The following STK25 variants were observed in gnomAD, a reference collection of about 807,000 sequenced individuals.
STK25 encodes serine/threonine-protein kinase 25.
STK25 carries 29 observed loss-of-function variants against 53.8 expected under a neutral mutation model. The observed-to-expected ratio is 0.54, with a 90% confidence interval of 0.40 to 0.74. The LOEUF (loss-of-function observed/expected upper bound fraction) is 0.74. Ranked by LOEUF, STK25 falls within the 30% of genes least tolerant of loss-of-function variation. The pLI is 0.00. For missense variants in STK25, 420 were observed against 568.0 expected, an observed-to-expected ratio of 0.74 and a Z score of 2.65; for synonymous variants, 247 against 238.3, an observed-to-expected ratio of 1.04 and a Z score of -0.33.
In STK25 at chr2:241,492,944, T is replaced by G. The variant is rs745993703; in HGVS notation, c.*2718A>C. The stretch of plus-strand genomic sequence containing the variant: ...TTATTGACAGAACCAGCTTTCAGGA[T>G]ATCTGCTAAGAAAGTTCAAAAACAG... On this transcript the variant is annotated 3_prime_UTR_variant, in exon 12 of 12. Coordinates refer to ENST00000316586, the MANE Select transcript of STK25 (RefSeq NM_001271977.2). 7 of 1,608,086 alleles carry G rather than the reference T, an allele frequency of 4.4e-6. No individual in the cohort carries two copies. The highest frequency in any genetic ancestry group is 6.0e-6 in the Non-Finnish European group (7 of 1,174,632).
chr2:241,497,901 TCC>T (rs34774824), intron 9 of STK25, among the ~76,000 whole-genome samples: 1 of 148,126 alleles, frequency 6.8e-6, no homozygotes, highest in Non-Finnish European at 1.5e-5. Context: ...GGCCTGTGAC[TCC>T]CACCCTCTCC....
intron 5 of STK25, 36 bp from the exon 6 acceptor site, chr2:241,499,450 C>A: frequency 6.3e-7 from 1 of 1,598,782 alleles, no homozygotes; most frequent in Non-Finnish European, 8.5e-7. Context: ...TCATCCCAGG[C>A]TCCACGTGGC....
chr2:241,496,407 C>A lies in STK25; in HGVS notation c.1232G>T (p.Arg411Leu). The A allele has an allele frequency of 6.2e-7, 1 of 1,613,342 alleles. No individual in the cohort carries two copies. The highest frequency in any genetic ancestry group is 1.3e-5 in the African/African-American group (1 of 74,998). The stretch of plus-strand genomic sequence containing the variant: ...GCACGGCCGCCCTCACCTCTGCACT[C>A]GCTCCACCAGGTGCACCATCAGCTT... ...SDKLMVHLVERVQRFSHNRNH... is the reference protein window; with the variant it reads ...SDKLMVHLVELVQRFSHNRNH... Residue 411 changes from arginine (R) to leucine (L), a missense_variant, in exon 11 of 12, where the codon CGA (arginine) becomes CTA (leucine). Physicochemically the swap from Arg to Leu is moderately radical, Grantham distance 102. Coordinates refer to ENST00000316586, the MANE Select transcript of STK25 (RefSeq NM_001271977.2). The surrounding 1 kb of genome is among the most constrained non-coding windows in gnomAD (Gnocchi z 5.8).
At chr2:241,506,560 G>C (rs1303695721) in intron 2 of STK25, among the ~76,000 whole-genome samples, 1 of 152,208 alleles carries the variant, frequency 6.6e-6, no homozygotes, top group East Asian at 1.9e-4. Flanking sequence ...CTGAGGTCAG[G>C]AGTTTGAGAC....
intron 10 of STK25, chr2:241,497,368 T>C: frequency 1.9e-6 from 1 of 513,202 alleles, no homozygotes; most frequent in Non-Finnish European, 3.5e-6. Context: ...AAGGATCATC[T>C]GTGTTTGCAC....
intron 11 of STK25, among the ~76,000 whole-genome samples, chr2:241,495,975 G>A (rs988022885): frequency 2.0e-5 from 3 of 152,246 alleles, no homozygotes; most frequent in East Asian, 1.9e-4. Flanking sequence ...CCCTAAGTCC[G>A]TTGGGCGGTG....
At chr2:241,504,499 G>A (rs1002172339) in intron 2 of STK25, among the ~76,000 whole-genome samples, 2 of 152,200 alleles carry the variant, frequency 1.3e-5, no homozygotes, top group African/African-American at 2.4e-5. Context: ...CACTGCTGCT[G>A]ACCATGTGTT....
At chr2:241,508,770 T>G (rs929601026), upstream of STK25, 1 of 984,162 alleles carries the variant, frequency 1.0e-6, no homozygotes, top group Admixed American at 6.2e-5. Flanking sequence ...CCCCTAGTCC[T>G]GCTCCCGAAA....
Position 241,494,491 on chromosome 2 carries a change from C to T in STK25, c.*1171G>A, listed in dbSNP as rs985673054. The T allele has an allele frequency of 2.4e-5, 4 of 165,936 alleles. No individual in the cohort carries two copies. The highest frequency in any genetic ancestry group is 2.0e-4 in the South Asian group (1 of 4,966). The allele number at this position is 165,936 out of a possible 1,614,324, so 10.3% of individuals were successfully genotyped here. On this transcript the variant is annotated 3_prime_UTR_variant, in exon 12 of 12. Transcript: ENST00000316586. The surrounding 1 kb of genome is among the most constrained non-coding windows in gnomAD (Gnocchi z 4.9). ...TCTCTCCCCAGAGCAGGGTCCCTGC[C>T]GAGGACTGGCCTAGAGCAAGCACTG...
rs1018135568 is a variant in STK25, at chr2:241,495,298, C to T, written c.*364G>A. ...CACCTCATGGGAGGAGGAGGCAGAGCTGCCCTGATAGTTGCTCTGCGCCTT... is the reference window on the plus strand; with the variant it reads ...CACCTCATGGGAGGAGGAGGCAGAGTTGCCCTGATAGTTGCTCTGCGCCTT... On this transcript the variant is annotated 3_prime_UTR_variant, in exon 12 of 12. Coordinates refer to ENST00000316586, the MANE Select transcript of STK25 (RefSeq NM_001271977.2). 2 of 227,632 alleles carry T rather than the reference C, an allele frequency of 8.8e-6. No homozygotes were observed. The highest frequency in any genetic ancestry group is 1.8e-5 in the Non-Finnish European group (2 of 113,970). The allele number at this position is 227,632 out of a possible 1,614,324, so 14.1% of individuals were successfully genotyped here.
Position 241,501,731 on chromosome 2 carries a change from G to T in STK25, c.31-23C>A. 6.3e-7 allele frequency: 1 copy of T among 1,591,314 alleles called. No homozygotes were observed. The highest frequency in any genetic ancestry group is 2.2e-5 in the East Asian group (1 of 44,616). On this transcript the variant is annotated intron_variant, in intron 2 of 11. Coordinates refer to ENST00000316586, the MANE Select transcript of STK25 (RefSeq NM_001271977.2). The surrounding 1 kb of genome is among the most constrained non-coding windows in gnomAD (Gnocchi z 5.3). ...GTGCTGTGGGGCCAGGGCGGGGACA[G>T]AGGGCAGACAGCGCCGGTCACAAGA...
chr2:241,500,252 G>A lies in STK25; in HGVS notation c.348C>T (p.Tyr116=), dbSNP rs751335804. The change falls in exon 5 of 12, where the codon TAC becomes TAT. Residue 116 remains tyrosine, a synonymous_variant. Transcript: ENST00000316586. ...GAATCTCCCGCAGGATCGTGGCAAT[G>A]TATGTCTCCTCCAGGGGACCTGGTT... is the stretch of plus-strand genomic sequence containing the variant. ...LLKPGPLEET[Y]IATILREILK... is the part of the protein sequence containing the mutation. The A allele has an allele frequency of 7.4e-6, 12 of 1,614,008 alleles. No individual in the cohort carries two copies. The highest frequency in any genetic ancestry group is 9.3e-6 in the Non-Finnish European group (11 of 1,180,022).
In STK25 at chr2:241,495,299, T is replaced by C; in HGVS notation, c.*363A>G. ...ACCTCATGGGAGGAGGAGGCAGAGC[T>C]GCCCTGATAGTTGCTCTGCGCCTTG... On this transcript the variant is annotated 3_prime_UTR_variant, in exon 12 of 12. Transcript: ENST00000316586. The C allele has an allele frequency of 4.4e-6, 1 of 228,966 alleles. No homozygotes were observed. Among genetic ancestry groups the C allele is most frequent in the Admixed American group, 5.1e-5 (1 of 19,524 alleles). The allele number at this position is 228,966 out of a possible 1,614,324, so 14.2% of individuals were successfully genotyped here.
At chr2:241,503,501 A>G (rs1261407594) in intron 2 of STK25, among the ~76,000 whole-genome samples, 2 of 150,438 alleles carry the variant, frequency 1.3e-5, no homozygotes, top group Non-Finnish European at 3.0e-5. Flanking sequence ...TCACGAGGTC[A>G]GGAGATCAAG....
At position 241,501,760 on chromosome 2, in the gene STK25, G is replaced by A. The variant is rs548511733; in HGVS notation, c.31-52C>T. 5.4e-5 allele frequency: 79 copies of A among 1,465,660 alleles called. No homozygotes were observed. The South Asian group carries it at 7.9e-4, about 15-fold the overall frequency. 90.8% of individuals were successfully genotyped at this position (1,465,660 alleles called of 1,614,324 possible). A position where few individuals can be genotyped will look rare whatever the true frequency, so the allele number is the denominator to read the frequency against. The stretch of plus-strand genomic sequence containing the variant: ...GCAGACAGCGCCGGTCACAAGAGGC[G>A]GGGGACAGGCAGAGGCTGCCCTGCT... On this transcript the variant is annotated intron_variant, in intron 2 of 11. Transcript: ENST00000316586. This position sits in a 1 kb window ranked among gnomAD's most constrained non-coding sequence, Gnocchi z 5.3.
chr2:241,496,390 G>A lies in STK25; in HGVS notation c.1241+8C>T, dbSNP rs566143625. Reference sequence around the variant, plus strand: ...CTCTCCCCGACCCTATGGCACGGCCGCCCTCACCTCTGCACTCGCTCCACC... The same window carrying A: ...CTCTCCCCGACCCTATGGCACGGCCACCCTCACCTCTGCACTCGCTCCACC... On this transcript the variant is annotated splice_region_variant and intron_variant, in intron 11 of 11. Transcript: ENST00000316586. This position sits in a 1 kb window ranked among gnomAD's most constrained non-coding sequence, Gnocchi z 5.8. The A allele has an allele frequency of 3.5e-5, 57 of 1,610,890 alleles. No homozygotes were observed. The African/African-American group carries it at 5.1e-4, about 14-fold the overall frequency.
rs925194942 is a variant in STK25 at position 241,508,527 on chromosome 2, G to A, written c.-185C>T. 7.7e-5 allele frequency: 78 copies of A among 1,007,416 alleles called. No individual in the cohort carries two copies. In the African/African-American group the frequency reaches 8.4e-4, roughly 11 times the overall value. 62.4% of individuals were successfully genotyped at this position (1,007,416 alleles called of 1,614,324 possible). A position where few individuals can be genotyped will look rare whatever the true frequency, so the allele number is the denominator to read the frequency against. On this transcript the variant is annotated 5_prime_UTR_variant, in exon 1 of 12. Coordinates refer to ENST00000316586, the MANE Select transcript of STK25 (RefSeq NM_001271977.2). ...CACCCGCAGCCTCTGTTCGCCCGGG[G>A]ACCCCGGGCCTCCCAGCCCGCGAAG...
intron 8 of STK25, 94 bp from the exon 9 acceptor site, chr2:241,498,443 G>T: frequency 7.6e-7 from 1 of 1,321,814 alleles, no homozygotes; most frequent in Non-Finnish European, 1.0e-6. Context: ...GAAACCCGAG[G>T]TACCAGACGG....
chr2:241,493,825 G>A lies in STK25; in HGVS notation c.*1837C>T, dbSNP rs1271888998. ...TTGGCCAGGCTGGTCTCGAACTCCTGACCTCAAGTGATCCATCTGCCTCAG... is the reference window on the plus strand; with the variant it reads ...TTGGCCAGGCTGGTCTCGAACTCCTAACCTCAAGTGATCCATCTGCCTCAG... On this transcript the variant is annotated 3_prime_UTR_variant, in exon 12 of 12. Coordinates refer to ENST00000316586, the MANE Select transcript of STK25 (RefSeq NM_001271977.2). The A allele has an allele frequency of 5.6e-6, 3 of 531,556 alleles. No homozygotes were observed. Among genetic ancestry groups the A allele is most frequent in the Non-Finnish European group, 1.0e-5 (3 of 296,194 alleles). The allele number at this position is 531,556 out of a possible 1,614,324, so 32.9% of individuals were successfully genotyped here.
Sources: allele counts gnomAD v4.1 joint callset (sites outside exome capture counted in the v4.1 genomes callset), GRCh38; gene constraint gnomAD v4.1.1; non-coding constraint Gnocchi (gnomAD v3.1); transcripts MANE v1.5; gene names NCBI Gene and HGNC (gene_info 2026-07-23, HGNC 2026-07-21).